The following AGK variants were observed in gnomAD, a reference collection of about 807,000 sequenced individuals.
AGK encodes the protein acylglycerol kinase, also known as acylglycerol kinase, mitochondrial.
A neutral mutation model predicts 66.4 loss-of-function variants in AGK; 52 were observed. That is an observed-to-expected ratio of 0.78 (90% CI 0.63 to 0.99). The LOEUF (loss-of-function observed/expected upper bound fraction) is 0.99, where lower values mean the gene tolerates loss of function less well. AGK is among the 50% of genes least tolerant of loss of function. The pLI, the probability that AGK is intolerant of heterozygous loss-of-function variation, is 0.00. For synonymous variants in AGK, 182 were observed against 181.1 expected (o/e 1.00, Z -0.04); for missense variants, 451 against 506.6 (o/e 0.89, Z 1.05).
intron 10 of AGK, among the ~76,000 whole-genome samples, chr7:141,636,257 T>G (rs1797166673): frequency 6.6e-6 from 1 of 152,208 alleles, no homozygotes; most frequent in South Asian, 2.1e-4. Flanking sequence ...GTGTACAGGA[T>G]CTAGTCATTT....
chr7:141,559,107 T>C (rs1467294555), intron 2 of AGK, among the ~76,000 whole-genome samples: 1 of 152,208 alleles, frequency 6.6e-6, no homozygotes, highest in Admixed American at 6.5e-5. Flanking sequence ...TGATATATAT[T>C]GTTTTTAGTT....
intron 9 of AGK, among the ~76,000 whole-genome samples, chr7:141,623,815 G>T (rs1177213161): frequency 6.6e-6 from 1 of 152,174 alleles, no homozygotes; most frequent in Non-Finnish European, 1.5e-5. Context: ...CATAGCTAGA[G>T]ACGGGAAGTC....
rs1397692529 is a variant in AGK at position 141,591,393 on chromosome 7, GTTC to G, written c.102-1750_102-1748del. ...CAGGTGTGAGCCACTGTGCCCTGCG[GTTC>G]TTAGGTTTCAGATTTCAGATTCACA... On this transcript the variant is annotated intron_variant, in intron 2 of 15. Coordinates refer to ENST00000649286, the MANE Select transcript of AGK (RefSeq NM_018238.4). 2.6e-5 allele frequency among the ~76,000 whole-genome samples: 4 copies of G among 152,154 alleles called. No individual in the cohort carries two copies. In the South Asian group the frequency reaches 8.3e-4, roughly 32 times the overall value.
intron 5 of AGK, among the ~76,000 whole-genome samples, chr7:141,605,052 T>C (rs1796427781): frequency 6.6e-6 from 1 of 152,136 alleles, no homozygotes; most frequent in Admixed American, 6.5e-5. Context: ...TTAGTGGAAG[T>C]ACCACAAAAT....
rs1249661086 is a variant in AGK at position 141,618,408 on chromosome 7, G to A, written c.518+2843G>A. On this transcript the variant is annotated intron_variant, in intron 8 of 15. Coordinates refer to ENST00000649286, the MANE Select transcript of AGK (RefSeq NM_018238.4). ...TGTGTTTATCAAATGCACACTAGTA[G>A]TACCTACTTCAGAAGATTGTTAAAA... 5.3e-5 allele frequency among the ~76,000 whole-genome samples: 8 copies of A among 152,216 alleles called. No homozygotes were observed. In the South Asian group the frequency reaches 1.2e-3, roughly 24 times the overall value.
At chr7:141,625,840 G>A (rs1306535494) in intron 9 of AGK, among the ~76,000 whole-genome samples, 2 of 151,948 alleles carry the variant, frequency 1.3e-5, no homozygotes, top group African/African-American at 4.8e-5. Context: ...CTTTATTAAA[G>A]TTATGATTTT....
At chr7:141,571,386 A>G (rs1371549202) in intron 2 of AGK, among the ~76,000 whole-genome samples, 1 of 152,152 alleles carries the variant, frequency 6.6e-6, no homozygotes, top group East Asian at 1.9e-4. Flanking sequence ...CCCATCCAGA[A>G]CCTACTGAGT....
chr7:141,593,053 G>T, intron 2 of AGK, 93 bp from the exon 3 acceptor site: 2 of 1,029,044 alleles, frequency 1.9e-6, no homozygotes, highest in Non-Finnish European at 2.9e-6. Context: ...TAGAGAAGAG[G>T]TGCCTATATT....
At chr7:141,648,206 C>A (rs559149140) in intron 13 of AGK, among the ~76,000 whole-genome samples, 19 of 152,288 alleles carry the variant, frequency 1.2e-4, no homozygotes, top group African/African-American at 4.6e-4. Flanking sequence ...ATCTTATTTT[C>A]TAATAAACTC....
rs765177127 is a variant in AGK, at chr7:141,641,283, C to A, written c.762C>A (p.Tyr254Ter). The change falls in exon 12 of 16, where the codon TAC becomes TAA. Residue 254 changes from tyrosine (Y) to a stop codon, truncating the protein, a stop_gained. Coordinates refer to ENST00000649286, the MANE Select transcript of AGK (RefSeq NM_018238.4). LOFTEE classifies it high-confidence loss of function. ...AGACTCATCAAGCCTCTATCTCATA[C>A]ACGGGACCTACAGAGAGACCTCCCA... ...WPQTHQASIS[Y>*]TGPTERPPNE... 6.2e-7 allele frequency: 1 copy of A among 1,613,836 alleles called. No homozygotes were observed. The highest frequency in any genetic ancestry group is 8.5e-7 in the Non-Finnish European group (1 of 1,179,922).
chr7:141,625,909 GC>G (rs1313877168), intron 9 of AGK, among the ~76,000 whole-genome samples: 2 of 152,038 alleles, frequency 1.3e-5, no homozygotes, highest in Non-Finnish European at 2.9e-5. Flanking sequence ...GTACTTTCCT[GC>G]ATGCTAGGTG....
chr7:141,588,086 A>C (rs1391621814), intron 2 of AGK, among the ~76,000 whole-genome samples: 1 of 152,222 alleles, frequency 6.6e-6, no homozygotes, highest in Non-Finnish European at 1.5e-5. Context: ...ATATTATGTG[A>C]GTGTGAATAT....
At chr7:141,593,070 T>G in intron 2 of AGK, 76 bp from the exon 3 acceptor site, 1 of 1,349,924 alleles carries the variant, frequency 7.4e-7, no homozygotes, top group Non-Finnish European at 1.0e-6. Flanking sequence ...TATTAAAAAA[T>G]TAAAAAGCTC....
Position 141,623,125 on chromosome 7 carries a change from A to G in AGK, c.588+1324A>G, listed in dbSNP as rs145943146. ...CCTGGTGCAGTGGCTCATGCCTGTA[A>G]TCCCAGCAGTTTGGGAGGCCGAGGT... is the stretch of plus-strand genomic sequence containing the variant. On this transcript the variant is annotated intron_variant, in intron 9 of 15. Transcript: ENST00000649286. 8.5e-4 allele frequency among the ~76,000 whole-genome samples: 130 copies of G among 152,264 alleles called. No homozygotes were observed. The East Asian group carries it at 0.02, about 24-fold the overall frequency.
chr7:141,650,968 T>G (rs933283507), intron 14 of AGK, among the ~76,000 whole-genome samples: 1 of 152,202 alleles, frequency 6.6e-6, no homozygotes, highest in Non-Finnish European at 1.5e-5. Flanking sequence ...GGGGATAAGA[T>G]AGTCTGTACG....
intron 9 of AGK, among the ~76,000 whole-genome samples, chr7:141,622,374 T>C (rs1404031370): frequency 6.6e-6 from 1 of 152,218 alleles, no homozygotes; most frequent in Non-Finnish European, 1.5e-5. Context: ...TTGTGCTTTT[T>C]ACAAATTGAA....
intron 2 of AGK, among the ~76,000 whole-genome samples, chr7:141,567,073 T>C (rs996339058): frequency 6.6e-6 from 1 of 152,200 alleles, no homozygotes; most frequent in African/African-American, 2.4e-5. Context: ...ACATTTGATT[T>C]TCTTGGCCCA....
At chr7:141,626,103 G>A (rs1356571065) in intron 9 of AGK, among the ~76,000 whole-genome samples, 1 of 152,220 alleles carries the variant, frequency 6.6e-6, no homozygotes, top group East Asian at 1.9e-4. Flanking sequence ...AAATAGCCAA[G>A]GCGCTGTGAA....
At chr7:141,607,729 A>T (rs1243883856) in intron 5 of AGK, among the ~76,000 whole-genome samples, 1 of 152,048 alleles carries the variant, frequency 6.6e-6, no homozygotes, top group African/African-American at 2.4e-5. Context: ...AAGATCACTT[A>T]AATTCCCTCC....
Sources: gnomAD v4.1 joint callset for allele counts (sites outside exome capture counted in the v4.1 genomes callset) on GRCh38, gnomAD v4.1.1 for gene constraint, MANE v1.5 for transcripts, NCBI Gene and HGNC (gene_info 2026-07-23, HGNC 2026-07-21) for gene names.